The following PTCHD4 variants were observed in gnomAD, a reference collection of about 807,000 sequenced individuals.
PTCHD4 encodes patched domain-containing protein 4.
Under a neutral mutation model 58.1 loss-of-function variants are expected in PTCHD4, and 33 were observed. That is an observed-to-expected ratio of 0.57 (90% CI 0.43 to 0.76). PTCHD4 has a LOEUF of 0.76. PTCHD4 is among the 30% of genes least tolerant of loss of function. The pLI is 0.00. For missense variants in PTCHD4, 1,058 were observed against 1,027.1 expected (o/e 1.03, Z -0.41); for synonymous variants, 478 against 409.6 (o/e 1.17, Z -2.02).
intron 4 of PTCHD4, among the ~76,000 whole-genome samples, chr6:47,887,583 A>G (rs1025964715): frequency 6.6e-6 from 1 of 152,214 alleles, no homozygotes; most frequent in Non-Finnish European, 1.5e-5. Context: ...GTTCAGGATT[A>G]TGGATATCTA....
At chr6:48,036,943 A>G (rs1430066828) in intron 3 of PTCHD4, among the ~76,000 whole-genome samples, 1 of 152,164 alleles carries the variant, frequency 6.6e-6, no homozygotes, top group Non-Finnish European at 1.5e-5. Context: ...ACATGAACAG[A>G]AAATGCATTC....
At chr6:48,056,947 TAAGTA>T (rs1294511779) in intron 3 of PTCHD4, among the ~76,000 whole-genome samples, 3 of 152,208 alleles carry the variant, frequency 2.0e-5, no homozygotes, top group African/African-American at 7.2e-5. Flanking sequence ...GAATTTCAGA[TAAGTA>T]AAGAATGCAA....
intron 4 of PTCHD4, among the ~76,000 whole-genome samples, chr6:47,961,455 G>T (rs1446740832): frequency 1.3e-5 from 2 of 151,716 alleles, no homozygotes; most frequent in African/African-American, 2.4e-5. Flanking sequence ...CCCATGCCTG[G>T]CTAATTTTTG....
chr6:48,090,386 A>T (rs1313610096), intron 1 of PTCHD4, among the ~76,000 whole-genome samples: 1 of 152,192 alleles, frequency 6.6e-6, no homozygotes, highest in Non-Finnish European at 1.5e-5. Context: ...AATAGCTGCT[A>T]TCTGCCGAAC....
intron 1 of PTCHD4, among the ~76,000 whole-genome samples, chr6:48,097,397 C>G (rs1482829734): frequency 1.3e-5 from 2 of 151,982 alleles, no homozygotes; most frequent in African/African-American, 2.4e-5. Flanking sequence ...ATCTGAAAGA[C>G]AAGGAAATTG....
intron 3 of PTCHD4, among the ~76,000 whole-genome samples, chr6:48,029,097 C>G (rs904604357): frequency 6.6e-6 from 1 of 152,038 alleles, no homozygotes; most frequent in African/African-American, 2.4e-5. Flanking sequence ...TGGTATAATA[C>G]TATCAATCAT....
Position 47,861,850 on chromosome 6 carries a change from AGGTT to A in PTCHD4, c.*16449_*16452del, listed in dbSNP as rs1763434516. Among the ~76,000 whole-genome samples, 1 of 151,932 alleles carries A rather than the reference AGGTT, an allele frequency of 6.6e-6. No individual in the cohort carries two copies. Among genetic ancestry groups the A allele is most frequent in the Non-Finnish European group, 1.5e-5 (1 of 67,896 alleles). ...CTTTGTACATCACTTGGCACATTAT[AGGTT>A]CTTAATCCATGTTTGTTGGATGGAT... On this transcript the variant is annotated 3_prime_UTR_variant, in exon 5 of 5. Transcript: ENST00000339488.
chr6:48,055,518 C>A (rs1764378971), intron 3 of PTCHD4, among the ~76,000 whole-genome samples: 2 of 152,132 alleles, frequency 1.3e-5, no homozygotes, highest in Admixed American at 6.5e-5. Flanking sequence ...GGAAGAGATA[C>A]TCTAATAAGA....
rs141573845 is a variant in PTCHD4, at chr6:48,110,173, C to T, written c.-970+876G>A. 7.7e-4 allele frequency among the ~76,000 whole-genome samples: 118 copies of T among 152,268 alleles called. 3 individuals carry two copies. The highest frequency in any genetic ancestry group is 2.7e-3 in the African/African-American group (113 of 41,558). On this transcript the variant is annotated intron_variant, in intron 1 of 4. Coordinates refer to ENST00000339488, the MANE Select transcript of PTCHD4 (RefSeq NM_001384253.1). Reference sequence around the variant, plus strand: ...ATTTGTACTACCACGCTTATTGCAGCATTATTTACAATAGCCAAAACATAG... The same window carrying T: ...ATTTGTACTACCACGCTTATTGCAGTATTATTTACAATAGCCAAAACATAG...
chr6:48,001,920 C>A (rs527307457), intron 4 of PTCHD4, among the ~76,000 whole-genome samples: 35 of 151,458 alleles, frequency 2.3e-4, no homozygotes, highest in South Asian at 1.0e-3. Flanking sequence ...CAAGAAAAAA[C>A]CAAACAACCC....
At chr6:48,033,551 G>A (rs549687039) in intron 3 of PTCHD4, among the ~76,000 whole-genome samples, 3 of 151,368 alleles carry the variant, frequency 2.0e-5, no homozygotes, top group East Asian at 2.0e-4. Context: ...TGCAAAAAAC[G>A]CCCCAGGCCA....
chr6:47,951,821 C>T (rs1766664450), intron 4 of PTCHD4, among the ~76,000 whole-genome samples: 3 of 151,364 alleles, frequency 2.0e-5, no homozygotes, highest in African/African-American at 7.3e-5. Context: ...GAATATATTA[C>T]AATAATCTTT....
rs548534738 is a variant in PTCHD4 at position 48,026,826 on chromosome 6, T to C, written c.418-17712A>G. 2.0e-5 allele frequency among the ~76,000 whole-genome samples: 3 copies of C among 152,178 alleles called. No homozygotes were observed. The East Asian group carries it at 5.8e-4, about 29-fold the overall frequency. Reference sequence around the variant, plus strand: ...AGTCCATAGCCTCCACAAGATTACATATTGGGGCAGACGAAAATATTAAAA... The same window carrying C: ...AGTCCATAGCCTCCACAAGATTACACATTGGGGCAGACGAAAATATTAAAA... On this transcript the variant is annotated intron_variant, in intron 3 of 4. Coordinates refer to ENST00000339488, the MANE Select transcript of PTCHD4 (RefSeq NM_001384253.1).
chr6:48,055,528 A>T (rs1334811146), intron 3 of PTCHD4, among the ~76,000 whole-genome samples: 1 of 152,234 alleles, frequency 6.6e-6, no homozygotes, highest in Non-Finnish European at 1.5e-5. Context: ...CTCTAATAAG[A>T]TGTGATTAGC....
intron 4 of PTCHD4, among the ~76,000 whole-genome samples, chr6:47,946,148 G>A (rs895792213): frequency 2.6e-5 from 4 of 151,906 alleles, no homozygotes; most frequent in Admixed American, 2.0e-4. Context: ...TTCCATCAAT[G>A]TTTCATTTGA....
rs1763907370 is a variant in PTCHD4, at chr6:47,878,488, T to C, written c.2347A>G (p.Lys783Glu). ...CAACCCCCAGTGAGCAGCAAGCATT[T>C]GAACAGTGTGAAGGTCAGGTTCGAA... ...VPSNLTFTLF[K>E]CLLLTGGCTL... Residue 783 changes from lysine to glutamate, a missense_variant, in exon 5 of 5, where the codon AAA becomes GAA. By Grantham distance (56) the Lys-to-Glu change is moderately conservative (BLOSUM62 1). Transcript: ENST00000339488. 1.2e-6 allele frequency: 2 copies of C among 1,613,514 alleles called. No homozygotes were observed. Among genetic ancestry groups the C allele is most frequent in the Non-Finnish European group, 8.5e-7 (1 of 1,179,720 alleles).
chr6:47,972,197 T>G (rs1166713189), intron 4 of PTCHD4, among the ~76,000 whole-genome samples: 1 of 152,162 alleles, frequency 6.6e-6, no homozygotes, highest in Non-Finnish European at 1.5e-5. Flanking sequence ...AGTCAATAGA[T>G]GATGTACAGT....
chr6:47,874,867 G>C lies in PTCHD4; in HGVS notation c.*3436C>G, dbSNP rs1010035338. ...ATGACTTTCATTAAAAAGAATTAAG[G>C]CTGGTCTAAAGAATCAAATCTCTAA... On this transcript the variant is annotated 3_prime_UTR_variant, in exon 5 of 5. Transcript: ENST00000339488. 6.6e-6 allele frequency among the ~76,000 whole-genome samples: 1 copy of C among 151,672 alleles called. No homozygotes were observed. Among genetic ancestry groups the C allele is most frequent in the Non-Finnish European group, 1.5e-5 (1 of 67,806 alleles).
chr6:48,080,703 T>C (rs573029957), intron 1 of PTCHD4, among the ~76,000 whole-genome samples: 2 of 152,314 alleles, frequency 1.3e-5, no homozygotes, highest in South Asian at 4.2e-4. Context: ...AAAAGAAGTA[T>C]AAATGTCACT....
Sources: allele counts gnomAD v4.1 joint callset (sites outside exome capture counted in the v4.1 genomes callset), GRCh38; gene constraint gnomAD v4.1.1; transcripts MANE v1.5; gene names NCBI Gene and HGNC (gene_info 2026-07-23, HGNC 2026-07-21).